The following PTPRN2 variants were observed in gnomAD, a reference collection of about 807,000 sequenced individuals.
PTPRN2 encodes the protein receptor-type tyrosine-protein phosphatase N2.
In PTPRN2, 74 loss-of-function variants were observed where a neutral mutation model predicts 118.8. That is an observed-to-expected ratio of 0.62 (90% CI 0.52 to 0.76). The LOEUF (loss-of-function observed/expected upper bound fraction) is 0.76, where lower values mean the gene tolerates loss of function less well. PTPRN2 is among the 30% of genes least tolerant of loss of function. The probability of loss-of-function intolerance (pLI) is 0.00; values close to 1 mark genes in which losing one functional copy is unlikely to be tolerated. For missense variants in PTPRN2, 1,481 were observed against 1,394.4 expected (o/e 1.06, Z -0.99); for synonymous variants, 641 against 608.0 (o/e 1.05, Z -0.80).
At chr7:157,563,265 AC>A (rs1365434137) in intron 21 of PTPRN2, among the ~76,000 whole-genome samples, 1 of 136,010 alleles carries the variant, frequency 7.4e-6, no homozygotes, top group African/African-American at 2.8e-5. Context: ...GCAGATCAGG[AC>A]CACGTGCTCC....
In PTPRN2 at chr7:158,077,792, T is replaced by C. The variant is rs534471667; in HGVS notation, c.1723+3506A>G. 2.0e-5 allele frequency among the ~76,000 whole-genome samples: 3 copies of C among 152,312 alleles called. No individual in the cohort carries two copies. In the South Asian group the frequency reaches 6.2e-4, roughly 32 times the overall value. Reference sequence around the variant, plus strand: ...GTTTCTAAAGGATGATGAATTTCCTTTTCTTTGAAAGGAGCAATACAAAAA... The same window carrying C: ...GTTTCTAAAGGATGATGAATTTCCTCTTCTTTGAAAGGAGCAATACAAAAA... On this transcript the variant is annotated intron_variant, in intron 11 of 22. Transcript: ENST00000389418.
At chr7:157,969,434 T>A (rs1353666464) in intron 11 of PTPRN2, among the ~76,000 whole-genome samples, 2 of 152,196 alleles carry the variant, frequency 1.3e-5, no homozygotes, top group Non-Finnish European at 2.9e-5. Context: ...TTTGCACACA[T>A]CCTGCACTTG....
In PTPRN2 at chr7:158,140,768, G is replaced by A. The variant is rs144337029; in HGVS notation, c.911-2253C>T. Among the ~76,000 whole-genome samples, 78 of 152,294 alleles carry A rather than the reference G, an allele frequency of 5.1e-4. No homozygotes were observed. The Middle Eastern group carries it at 0.01, about 20-fold the overall frequency. On this transcript the variant is annotated intron_variant, in intron 6 of 22. Coordinates refer to ENST00000389418, the MANE Select transcript of PTPRN2 (RefSeq NM_002847.5). ...GCCCACATGCGTCCAACGCGTCATC[G>A]TGTCCACCTGCGGTCTGCGCATCTC...
intron 11 of PTPRN2, among the ~76,000 whole-genome samples, chr7:158,023,929 CACACACATGCAG>C (rs1377498235): frequency 2.6e-5 from 4 of 152,012 alleles, no homozygotes; most frequent in Non-Finnish European, 5.9e-5. Flanking sequence ...CACTCGCAGG[CACACACATGCAG>C]ACACACATGC....
chr7:158,253,536 T>G (rs1424319212), intron 3 of PTPRN2, among the ~76,000 whole-genome samples: 1 of 152,114 alleles, frequency 6.6e-6, no homozygotes, highest in African/African-American at 2.4e-5. Flanking sequence ...GCCCCGGGTC[T>G]CCAGAGCACA....
intron 11 of PTPRN2, among the ~76,000 whole-genome samples, chr7:158,033,471 T>C (rs921899252): frequency 6.6e-6 from 1 of 152,154 alleles, no homozygotes; most frequent in South Asian, 2.1e-4. Flanking sequence ...CCACACCTGA[T>C]TGTTTATGCA....
intron 9 of PTPRN2, among the ~76,000 whole-genome samples, chr7:158,122,989 A>G (rs1311018487): frequency 6.6e-6 from 1 of 152,156 alleles, no homozygotes; most frequent in East Asian, 1.9e-4. Flanking sequence ...CCTGCTGACC[A>G]TGCTCTGTGC....
rs893281257 is a variant in PTPRN2, at chr7:157,945,377, G to A, written c.1724-46640C>T. ...ACCCCGTGTGTCCCGAAGACCCCCC[G>A]CCTGCCTCTGAAGGCCCTTCCATCC... On this transcript the variant is annotated intron_variant, in intron 11 of 22. Coordinates refer to ENST00000389418, the MANE Select transcript of PTPRN2 (RefSeq NM_002847.5). Among the ~76,000 whole-genome samples, 8 of 151,476 alleles carry A rather than the reference G, an allele frequency of 5.3e-5. 1 individual carries two copies. The highest frequency in any genetic ancestry group is 8.8e-5 in the Non-Finnish European group (6 of 67,906).
At chr7:157,685,735 G>T (rs1420178496) in intron 12 of PTPRN2, among the ~76,000 whole-genome samples, 1 of 152,210 alleles carries the variant, frequency 6.6e-6, no homozygotes, top group East Asian at 1.9e-4. Context: ...TTACTCAAAG[G>T]TCAAAGAAAA....
intron 6 of PTPRN2, among the ~76,000 whole-genome samples, chr7:158,146,864 A>G (rs1304798205): frequency 2.0e-5 from 3 of 152,010 alleles, no homozygotes; most frequent in Non-Finnish European, 2.9e-5. Flanking sequence ...GGATAGAACA[A>G]GCAAACAGTT....
intron 9 of PTPRN2, among the ~76,000 whole-genome samples, chr7:158,126,705 C>T (rs930978897): frequency 6.7e-6 from 1 of 149,830 alleles, no homozygotes; most frequent in African/African-American, 2.5e-5. Context: ...GCCACACCAG[C>T]CCCCGGAGAG....
intron 12 of PTPRN2, among the ~76,000 whole-genome samples, chr7:157,688,218 T>C (rs984430842): frequency 2.6e-5 from 4 of 152,240 alleles, no homozygotes; most frequent in South Asian, 2.1e-4. Context: ...TTTCCAGGCA[T>C]ACACTTAAAA....
At chr7:157,775,065 G>A (rs1426834781) in intron 12 of PTPRN2, among the ~76,000 whole-genome samples, 1 of 152,152 alleles carries the variant, frequency 6.6e-6, no homozygotes, top group Non-Finnish European at 1.5e-5. Flanking sequence ...GCCTGAAAAC[G>A]TCCACATGCC....
intron 2 of PTPRN2, among the ~76,000 whole-genome samples, chr7:158,487,685 C>G (rs894696016): frequency 1.3e-5 from 2 of 152,166 alleles, no homozygotes; most frequent in Admixed American, 1.3e-4. Flanking sequence ...CCCCACCGCA[C>G]CCTGGGCTGC....
chr7:157,849,926 G>T (rs763316277), intron 12 of PTPRN2, among the ~76,000 whole-genome samples: 13 of 152,220 alleles, frequency 8.5e-5, no homozygotes, highest in Non-Finnish European at 1.8e-4. Flanking sequence ...TGGGGCCCGT[G>T]TGTGCCGTGT....
At chr7:157,551,005 A>C (rs1361783456) in intron 21 of PTPRN2, among the ~76,000 whole-genome samples, 1 of 152,184 alleles carries the variant, frequency 6.6e-6, no homozygotes, top group Non-Finnish European at 1.5e-5. Flanking sequence ...TCCTGCGGCC[A>C]TGACTGTGGC....
intron 2 of PTPRN2, among the ~76,000 whole-genome samples, chr7:158,361,349 G>GT (rs146534825): frequency 0.49 from 859 of 1,758 alleles, 412 homozygotes; most frequent in Non-Finnish European, 0.55. Flanking sequence ...CAAACCCTAC[G>GT]TCCACCCTCC....
Position 157,576,702 on chromosome 7 carries a change from G to A in PTPRN2, c.2694C>T (p.Asn898=), listed in dbSNP as rs763896493. Residue 898 remains asparagine (N), a synonymous_variant, in exon 19 of 23, where the codon AAC becomes AAT. Coordinates refer to ENST00000389418, the MANE Select transcript of PTPRN2 (RefSeq NM_002847.5). ...RSFYLKNLQT[N]ETRTVTQFHF... ...GGAACTGCGTCACGGTGCGCGTCTC[G>A]TTGGTCTGCAGGTTCTTCAGATAGA... The A allele has an allele frequency of 6.8e-6, 11 of 1,610,704 alleles. No homozygotes were observed. The highest frequency in any genetic ancestry group is 1.7e-5 in the Admixed American group (1 of 59,698).
intron 2 of PTPRN2, among the ~76,000 whole-genome samples, chr7:158,454,929 G>C (rs1272166916): frequency 6.6e-6 from 1 of 152,268 alleles, no homozygotes; most frequent in South Asian, 2.1e-4. Context: ...CCCCCCGGGG[G>C]CCCCTCGAAA....
Sources: gnomAD v4.1 joint callset for allele counts (sites outside exome capture counted in the v4.1 genomes callset) on GRCh38, gnomAD v4.1.1 for gene constraint, MANE v1.5 for transcripts, NCBI Gene and HGNC (gene_info 2026-07-23, HGNC 2026-07-21) for gene names.